Variants in C10orf67 observed in about 807,000 individuals in gnomAD.
C10orf67 encodes uncharacterized protein C10orf67, mitochondrial.
Under a neutral mutation model 35.6 loss-of-function variants are expected in C10orf67, and 60 were observed. That is an observed-to-expected ratio of 1.68 (90% CI 1.37 to 2.09). The LOEUF is 2.09. Among genes scored for constraint, C10orf67 ranks in the 30% most tolerant of loss-of-function variants. The probability of loss-of-function intolerance (pLI) is 0.00; values close to 1 mark genes in which losing one functional copy is unlikely to be tolerated. For missense variants in C10orf67, 474 were observed against 330.2 expected, an observed-to-expected ratio of 1.44 and a Z score of -3.38; for synonymous variants, 167 against 115.8, an observed-to-expected ratio of 1.44 and a Z score of -2.84.
intron 4 of C10orf67, among the ~76,000 whole-genome samples, chr10:23,319,072 C>G (rs1844846894): frequency 6.6e-6 from 1 of 152,098 alleles, no homozygotes; most frequent in Non-Finnish European, 1.5e-5. Flanking sequence ...TTGCACGTCA[C>G]AGGGTTTGGT....
intron 4 of C10orf67, among the ~76,000 whole-genome samples, chr10:23,308,965 T>G (rs796370146): frequency 1.3e-5 from 2 of 152,058 alleles, no homozygotes; most frequent in African/African-American, 4.8e-5. Flanking sequence ...CCCTATGTCC[T>G]TTCTCTATCC....
At chr10:23,313,728 G>A (rs565215472) in intron 4 of C10orf67, among the ~76,000 whole-genome samples, 4 of 152,274 alleles carry the variant, frequency 2.6e-5, no homozygotes, top group Non-Finnish European at 5.9e-5. Context: ...CAGTATTGTG[G>A]GAGGGTAAAG....
chr10:23,329,162 A>C (rs1233875710), intron 2 of C10orf67, among the ~76,000 whole-genome samples: 1 of 152,018 alleles, frequency 6.6e-6, no homozygotes, highest in African/African-American at 2.4e-5. Flanking sequence ...CTGAAATAAA[A>C]AATAATGAAA....
intron 10 of C10orf67, among the ~76,000 whole-genome samples, chr10:23,255,190 G>A (rs1356418237): frequency 6.6e-6 from 1 of 152,144 alleles, no homozygotes; most frequent in Non-Finnish European, 1.5e-5. Flanking sequence ...TTGGGAACAC[G>A]GAGAATAAAA....
chr10:23,296,313 T>C (rs552128767), intron 5 of C10orf67, among the ~76,000 whole-genome samples: 70 of 152,312 alleles, frequency 4.6e-4, no homozygotes, highest in Non-Finnish European at 8.5e-4. Context: ...CCGATCATTG[T>C]CCCTCCCACT....
At chr10:23,328,801 T>C (rs1845297530) in intron 2 of C10orf67, among the ~76,000 whole-genome samples, 1 of 148,412 alleles carries the variant, frequency 6.7e-6, no homozygotes, top group Non-Finnish European at 1.5e-5. Flanking sequence ...CTGGGCAACA[T>C]AGTGAAACCC....
intron 15 of C10orf67, among the ~76,000 whole-genome samples, chr10:23,218,253 A>T (rs911624309): frequency 6.7e-6 from 1 of 148,834 alleles, no homozygotes; most frequent in African/African-American, 2.5e-5. Context: ...TGATCTTCCC[A>T]CCTCAGCTTC....
chr10:23,243,882 A>T (rs1371260371), intron 12 of C10orf67, among the ~76,000 whole-genome samples: 2 of 152,036 alleles, frequency 1.3e-5, no homozygotes, highest in Admixed American at 1.3e-4. Context: ...ACTGGAAATA[A>T]AACATATTAC....
At chr10:23,236,431 AAAACAAAACAAAACAAAAC>A (rs1413171879) in intron 13 of C10orf67, among the ~76,000 whole-genome samples, 5 of 151,684 alleles carry the variant, frequency 3.3e-5, no homozygotes, top group African/African-American at 4.8e-5. Flanking sequence ...ACTCTGTCTC[AAAACAAAACAAAACAAAAC>A]AAACAAAAAA....
At position 23,344,747 on chromosome 10, in the gene C10orf67, G is replaced by T. The variant is rs772176578; in HGVS notation, c.28C>A (p.His10Asn). 19 of 1,569,042 alleles carry T rather than the reference G, an allele frequency of 1.2e-5. No individual in the cohort carries two copies. Among genetic ancestry groups the T allele is most frequent in the Middle Eastern group, 1.7e-4 (1 of 6,012 alleles). ...CTAATAACTATGCTCATGACATAAT[G>T]AGCCCTGCGATCCCGGACCAAGGCC... MALVRDRRA[H>N]YVMSIVIRWV... The change falls in exon 1 of 16, where the codon CAT becomes AAT. Residue 10 changes from histidine to asparagine, a missense_variant. By Grantham distance (68) the His-to-Asn change is moderately conservative (BLOSUM62 1). Coordinates refer to ENST00000636213, the MANE Select transcript of C10orf67 (RefSeq NM_001371909.1).
intron 12 of C10orf67, among the ~76,000 whole-genome samples, chr10:23,248,885 C>A (rs1359294324): frequency 1.3e-5 from 2 of 151,392 alleles, no homozygotes; most frequent in Non-Finnish European, 2.9e-5. Flanking sequence ...CTGCAGAGAC[C>A]AAAACGATTA....
intron 8 of C10orf67, among the ~76,000 whole-genome samples, chr10:23,270,690 C>T (rs1425837857): frequency 6.6e-6 from 1 of 152,204 alleles, no homozygotes; most frequent in Non-Finnish European, 1.5e-5. Flanking sequence ...GACCAAATTC[C>T]CAGGGGGAGA....
intron 8 of C10orf67, among the ~76,000 whole-genome samples, chr10:23,280,331 T>C (rs938983671): frequency 1.3e-5 from 2 of 152,186 alleles, no homozygotes; most frequent in African/African-American, 2.4e-5. Context: ...AACTCCACCT[T>C]CTCCCACTCT....
chr10:23,329,655 T>C, intron 2 of C10orf67, among the ~76,000 whole-genome samples: 1 of 151,324 alleles, frequency 6.6e-6, no homozygotes, highest in Non-Finnish European at 1.5e-5. Flanking sequence ...TAAAAATTAG[T>C]TGGGCAAGGT....
At chr10:23,267,858 G>A (rs1687605759) in intron 8 of C10orf67, among the ~76,000 whole-genome samples, 1 of 151,478 alleles carries the variant, frequency 6.6e-6, no homozygotes, top group South Asian at 2.1e-4. Flanking sequence ...CCAAGATAGT[G>A]CCATTGCACT....
At chr10:23,305,296 G>A (rs1357146803) in intron 4 of C10orf67, among the ~76,000 whole-genome samples, 1 of 152,162 alleles carries the variant, frequency 6.6e-6, no homozygotes, top group Non-Finnish European at 1.5e-5. Context: ...ATATGCAGTT[G>A]AACAAATCAA....
At chr10:23,255,082 G>A (rs1442729593) in intron 10 of C10orf67, among the ~76,000 whole-genome samples, 1 of 152,140 alleles carries the variant, frequency 6.6e-6, no homozygotes. Flanking sequence ...TAATGTGCCA[G>A]TGGGTGGGAA....
Position 23,311,303 on chromosome 10 carries a change from T to C in C10orf67, c.547-7844A>G, listed in dbSNP as rs376518108. Among the ~76,000 whole-genome samples the C allele has an allele frequency of 1.8e-4, 28 of 152,268 alleles. No individual in the cohort carries two copies. In the East Asian group the frequency reaches 4.2e-3, roughly 23 times the overall value. ...TGACCACTTGTCCTTCATCGAGAGG[T>C]TCTTTCTGACAACTGTCAAGTTGAC... On this transcript the variant is annotated intron_variant, in intron 4 of 15. Transcript: ENST00000636213.
At chr10:23,333,222 T>C in intron 1 of C10orf67, 40 bp from the exon 2 acceptor site, 1 of 1,526,404 alleles carries the variant, frequency 6.6e-7, no homozygotes, top group Non-Finnish European at 9.0e-7. Context: ...AAGTCATAGA[T>C]ATTTTCTTAG....
Sources: allele counts gnomAD v4.1 joint callset (sites outside exome capture counted in the v4.1 genomes callset), GRCh38; gene constraint gnomAD v4.1.1; transcripts MANE v1.5; gene names NCBI Gene and HGNC (gene_info 2026-07-23, HGNC 2026-07-21).